FRMD6: variants seen among roughly 807,000 people sequenced by gnomAD.
The protein encoded by FRMD6 is FERM domain-containing protein 6.
In FRMD6, 37 loss-of-function variants were observed where a neutral mutation model predicts 73.2. The observed-to-expected ratio is 0.51, with a 90% CI of 0.39 to 0.66. The LOEUF is 0.66. Ranked by LOEUF, FRMD6 falls within the 30% of genes least tolerant of loss-of-function variation. FRMD6 has a pLI of 0.00. For synonymous variants in FRMD6, 273 were observed against 282.2 expected, an observed-to-expected ratio of 0.97 and a Z score of 0.33; for missense variants, 714 against 780.5, an observed-to-expected ratio of 0.91 and a Z score of 1.02.
chr14:51,644,436 A>C (rs986612534), intron 2 of FRMD6, among the ~76,000 whole-genome samples: 2 of 150,622 alleles, frequency 1.3e-5, no homozygotes, highest in Non-Finnish European at 2.9e-5. Context: ...TCTACGTGTA[A>C]TTTATGGGAT....
At chr14:51,533,076 T>G (rs1051126700) in intron 1 of FRMD6, among the ~76,000 whole-genome samples, 5 of 152,232 alleles carry the variant, frequency 3.3e-5, no homozygotes, top group African/African-American at 4.8e-5. Context: ...GCCTCCTCCA[T>G]GTCTTGCCAA....
chr14:51,530,838 G>A (rs868400816), intron 1 of FRMD6, among the ~76,000 whole-genome samples: 11 of 152,216 alleles, frequency 7.2e-5, no homozygotes, highest in Non-Finnish European at 1.5e-4. Context: ...ACAGTTCAGC[G>A]TTCTGGCAGA....
rs555665663 is a variant in FRMD6, at chr14:51,581,131, C to T, written c.-147+10721C>T. On this transcript the variant is annotated intron_variant, in intron 2 of 14. Coordinates refer to the FRMD6 transcript ENST00000356218. The stretch of plus-strand genomic sequence containing the variant: ...TTCTGCAGCCTCCTCTGCCACCATG[C>T]CTTTCCATTCAACTACACTAATATC... Among the ~76,000 whole-genome samples the T allele has an allele frequency of 1.1e-4, 17 of 152,284 alleles. No homozygotes were observed. In the East Asian group the frequency reaches 2.3e-3, roughly 21 times the overall value.
At chr14:51,470,264 A>C in the FRMD6 span, among the ~76,000 whole-genome samples, 1 of 152,152 alleles carries the variant, frequency 6.6e-6, no homozygotes, top group South Asian at 2.1e-4. Flanking sequence ...CACGCCTCTA[A>C]TCCCAGCACT....
chr14:51,501,158 G>C (rs1389618871), intron 1 of FRMD6, among the ~76,000 whole-genome samples: 1 of 152,144 alleles, frequency 6.6e-6, no homozygotes, highest in African/African-American at 2.4e-5. Context: ...TCCATGCCCT[G>C]TTTCCTCCTG....
At chr14:51,690,128 T>A (rs1456311136) in intron 2 of FRMD6, among the ~76,000 whole-genome samples, 193 bp downstream of exon 2, 1 of 152,164 alleles carries the variant, frequency 6.6e-6, no homozygotes, top group Non-Finnish European at 1.5e-5. Flanking sequence ...TTCAACATTC[T>A]CTCACCTGGG....
At chr14:51,587,689 CCTAT>C (rs1889132357) in intron 2 of FRMD6, among the ~76,000 whole-genome samples, 3 of 152,026 alleles carry the variant, frequency 2.0e-5, no homozygotes, top group Admixed American at 1.3e-4. Context: ...CAGGACCAAA[CCTAT>C]CTGTTTATGG....
intron 12 of FRMD6, among the ~76,000 whole-genome samples, chr14:51,725,271 C>T (rs1897886412): frequency 6.6e-6 from 1 of 152,136 alleles, no homozygotes; most frequent in Non-Finnish European, 1.5e-5. Context: ...GGACACATGG[C>T]TAATTAGTTA....
the FRMD6 span, among the ~76,000 whole-genome samples, chr14:51,473,685 CTT>C: frequency 2.0e-5 from 3 of 152,128 alleles, no homozygotes; most frequent in African/African-American, 4.8e-5. Context: ...AGTTTTCTGC[CTT>C]TTGAGAGCAG....
chr14:51,615,906 T>G (rs1182720384), intron 2 of FRMD6, among the ~76,000 whole-genome samples: 1 of 152,192 alleles, frequency 6.6e-6, no homozygotes, highest in Non-Finnish European at 1.5e-5. Flanking sequence ...CATGTGGAAC[T>G]AGAGATACAG....
intron 2 of FRMD6, among the ~76,000 whole-genome samples, chr14:51,634,123 A>G (rs1040368082): frequency 1.3e-5 from 2 of 152,256 alleles, no homozygotes; most frequent in African/African-American, 4.8e-5. Flanking sequence ...TGAAATGACT[A>G]TATAACTACA....
At chr14:51,662,935 A>G (rs1221221089) in intron 1 of FRMD6, among the ~76,000 whole-genome samples, 1 of 152,190 alleles carries the variant, frequency 6.6e-6, no homozygotes, top group Non-Finnish European at 1.5e-5. Flanking sequence ...ATTTACTAGA[A>G]AAAAAATCCA....
At position 51,536,097 on chromosome 14, in the gene FRMD6, T is replaced by TAGAG. The variant is rs1190338688; in HGVS notation, c.-209-34237_-209-34234dup. 1.0e-3 allele frequency among the ~76,000 whole-genome samples: 141 copies of TAGAG among 135,834 alleles called. 1 individual carries two copies. The highest frequency in any genetic ancestry group is 3.4e-3 in the East Asian group (16 of 4,684). The allele number at this position is 135,834 out of a possible 152,430, so 89.1% of individuals were successfully genotyped here. A position where few individuals can be genotyped will look rare whatever the true frequency, so the allele number is the denominator to read the frequency against. On this transcript the variant is annotated intron_variant, in intron 1 of 14. Transcript: ENST00000356218. The stretch of plus-strand genomic sequence containing the variant: ...TATATTTTATATATATATATATATA[T>TAGAG]AGAGAGAGAGAGAGAGAAACAGGGT...
chr14:51,727,662 GTGGTTC>G, intron 13 of FRMD6, 77 bp from the exon 14 acceptor site: 1 of 1,323,872 alleles, frequency 7.6e-7, no homozygotes, highest in Non-Finnish European at 1.0e-6. Context: ...TTAACCTTTT[GTGGTTC>G]TGTAGCATCT....
At chr14:51,573,336 T>A (rs1888232163) in intron 2 of FRMD6, among the ~76,000 whole-genome samples, 1 of 152,132 alleles carries the variant, frequency 6.6e-6, no homozygotes. Flanking sequence ...AGGAGACCAC[T>A]GACATTTCAA....
chr14:51,641,457 C>G (rs1384393170), intron 2 of FRMD6, among the ~76,000 whole-genome samples: 2 of 152,150 alleles, frequency 1.3e-5, no homozygotes, highest in Non-Finnish European at 2.9e-5. Context: ...CCTTTCCCCT[C>G]AAAATCTCTA....
chr14:51,437,525 A>G, the FRMD6 span, among the ~76,000 whole-genome samples: 1 of 152,174 alleles, frequency 6.6e-6, no homozygotes, highest in Non-Finnish European at 1.5e-5. Flanking sequence ...GATGGCCTCA[A>G]TCTCCTGAAC....
chr14:51,721,923 A>T (rs1452770958), intron 11 of FRMD6, 26 bp from the exon 12 acceptor site: 1 of 1,612,540 alleles, frequency 6.2e-7, no homozygotes, highest in Non-Finnish European at 8.5e-7. Context: ...TTTGTCATTA[A>T]CTATCTTTTC....
At chr14:51,662,881 T>C (rs1406866629) in intron 1 of FRMD6, among the ~76,000 whole-genome samples, 1 of 152,118 alleles carries the variant, frequency 6.6e-6, no homozygotes, top group Non-Finnish European at 1.5e-5. Context: ...TTGCAAAGTA[T>C]GTACTGACAA....
Sources: allele counts gnomAD v4.1 joint callset (sites outside exome capture counted in the v4.1 genomes callset), GRCh38; gene constraint gnomAD v4.1.1; transcripts MANE v1.5; gene names NCBI Gene and HGNC (gene_info 2026-07-23, HGNC 2026-07-21).